The following NDRG3 variants were observed in gnomAD, a reference collection of about 807,000 sequenced individuals.
The protein encoded by NDRG3 is NDRG family member 3, also known as protein NDRG3.
A neutral mutation model predicts 57.2 loss-of-function variants in NDRG3; 23 were observed. The ratio of observed to expected loss-of-function variants is 0.40; its 90% CI spans 0.29 to 0.57. The LOEUF is 0.57. Ranked by LOEUF, NDRG3 falls within the 20% of genes least tolerant of loss-of-function variation. NDRG3 has a pLI of 0.42. For synonymous variants in NDRG3, 132 were observed against 162.6 expected (o/e 0.81, Z 1.43); for missense variants, 384 against 457.3 (o/e 0.84, Z 1.46).
intron 3 of NDRG3, chr20:36,700,770 TTTTC>T: frequency 1.6e-5 from 3 of 183,490 alleles, no homozygotes; most frequent in South Asian, 2.0e-4. Context: ...TTGCTTTTCC[TTTTC>T]TTTCTTCTTT....
chr20:36,705,750 A>G (rs1037556582), intron 3 of NDRG3, among the ~76,000 whole-genome samples: 3 of 151,610 alleles, frequency 2.0e-5, no homozygotes, highest in African/African-American at 7.3e-5. Context: ...TTTCTTATTT[A>G]TTTATTATTA....
intron 1 of NDRG3, among the ~76,000 whole-genome samples, chr20:36,732,280 T>C (rs778970371): frequency 6.6e-6 from 1 of 152,066 alleles, no homozygotes; most frequent in Non-Finnish European, 1.5e-5. Context: ...AACTCCGAAA[T>C]AGAAAACAGA....
intron 1 of NDRG3, among the ~76,000 whole-genome samples, chr20:36,739,186 T>C (rs1206466567): frequency 5.8e-5 from 7 of 120,648 alleles, no homozygotes; most frequent in African/African-American, 2.2e-4. Flanking sequence ...CAGTGGCTCA[T>C]GCCTGTAATC....
At chr20:36,738,788 A>C (rs1985747181) in intron 1 of NDRG3, among the ~76,000 whole-genome samples, 1 of 145,092 alleles carries the variant, frequency 6.9e-6, no homozygotes, top group South Asian at 2.2e-4. Context: ...ATGCCACTGC[A>C]CTCCAGCCTG....
chr20:36,669,331 G>C (rs1979927904), intron 9 of NDRG3, among the ~76,000 whole-genome samples: 1 of 152,022 alleles, frequency 6.6e-6, no homozygotes, highest in Non-Finnish European at 1.5e-5. Flanking sequence ...CTGGGTTCAA[G>C]CAATTCTCCT....
At chr20:36,738,190 C>T (rs1291076289) in intron 1 of NDRG3, among the ~76,000 whole-genome samples, 8 of 152,098 alleles carry the variant, frequency 5.3e-5, no homozygotes, top group African/African-American at 1.9e-4. Flanking sequence ...GACTAATCAT[C>T]CAAAGTTATA....
intron 12 of NDRG3, 129 bp downstream of exon 12, chr20:36,664,917 G>C: frequency 1.1e-6 from 1 of 915,362 alleles, no homozygotes; most frequent in Non-Finnish European, 1.8e-6. Context: ...TCAAACTCCT[G>C]GGCTCAAGCG....
intron 8 of NDRG3, among the ~76,000 whole-genome samples, chr20:36,674,639 C>T (rs906029701): frequency 6.7e-6 from 1 of 149,456 alleles, no homozygotes; most frequent in African/African-American, 2.5e-5. Flanking sequence ...TCTCTGTCAC[C>T]CAGGCAGGAC....
rs779285561 is a variant in NDRG3, at chr20:36,653,603, T to C, written c.1045A>G (p.Ser349Gly). 2 of 1,614,176 alleles carry C rather than the reference T, an allele frequency of 1.2e-6. No individual in the cohort carries two copies. The highest frequency in any genetic ancestry group is 1.7e-6 in the Non-Finnish European group (2 of 1,180,022). ...TCTTGAGTTCCATCTGACTGATTGC[T>C]GGTGACAGACCGGCTGAAGGGACTT... ...GESPFSRSVT[S>G]NQSDGTQESC... The change falls in exon 16 of 16, where the codon AGC becomes GGC. Residue 349 changes from serine to glycine, a missense_variant. By Grantham distance (56) the Ser-to-Gly change is moderately conservative. Coordinates refer to ENST00000349004, the MANE Select transcript of NDRG3 (RefSeq NM_032013.4). This position sits in a 1 kb window ranked among gnomAD's most constrained non-coding sequence, Gnocchi z 4.2.
intron 2 of NDRG3, among the ~76,000 whole-genome samples, chr20:36,711,116 TA>T (rs577163182): frequency 0.011 from 1,300 of 113,604 alleles, 6 homozygotes; most frequent in Non-Finnish European, 0.016. Flanking sequence ...CCATCTCTAC[TA>T]AAAAAAAAAA....
At chr20:36,739,166 A>T (rs868813942) in intron 1 of NDRG3, among the ~76,000 whole-genome samples, 134 of 116,444 alleles carry the variant, frequency 1.2e-3, no homozygotes, top group African/African-American at 5.0e-3. Context: ...AAAAAAAAAA[A>T]GGCCAGGCAC....
intron 12 of NDRG3, among the ~76,000 whole-genome samples, chr20:36,664,192 A>G (rs1215027848): frequency 6.6e-6 from 1 of 152,226 alleles, no homozygotes; most frequent in East Asian, 1.9e-4. Context: ...TACTGATTAT[A>G]TAATGGAAAA....
chr20:36,720,242 G>A (rs564502389), intron 2 of NDRG3, among the ~76,000 whole-genome samples: 124 of 151,742 alleles, frequency 8.2e-4, no homozygotes, highest in Non-Finnish European at 1.3e-3. Context: ...GCATGATCTC[G>A]GCTCACTGCA....
At chr20:36,654,924 C>T in intron 15 of NDRG3, 1 of 772,534 alleles carries the variant, frequency 1.3e-6, no homozygotes, top group Admixed American at 1.7e-5. Context: ...TAGACACTGA[C>T]AGAATACTCT....
chr20:36,658,954 G>GTTT (rs58306169), intron 13 of NDRG3, among the ~76,000 whole-genome samples: 6 of 132,368 alleles, frequency 4.5e-5, no homozygotes, highest in Non-Finnish European at 8.3e-5. Context: ...TGTTGACGAA[G>GTTT]TTTTTTTTTT....
intron 1 of NDRG3, among the ~76,000 whole-genome samples, chr20:36,741,501 A>T (rs2148235826): frequency 6.6e-6 from 1 of 152,290 alleles, no homozygotes; most frequent in South Asian, 2.1e-4. Context: ...TTTCATTTTT[A>T]AAACACAAAA....
chr20:36,744,893 G>T (rs1201923886), intron 1 of NDRG3, among the ~76,000 whole-genome samples: 1 of 146,634 alleles, frequency 6.8e-6, no homozygotes, highest in Non-Finnish European at 1.5e-5. Context: ...AGCCCGCCCA[G>T]CTAGCCCAGT....
At chr20:36,697,963 C>CTTTTTTTTTT (rs1026025529) in intron 3 of NDRG3, among the ~76,000 whole-genome samples, 12 of 123,012 alleles carry the variant, frequency 9.8e-5, no homozygotes, top group South Asian at 2.8e-4. Flanking sequence ...TTTCTTTTTT[C>CTTTTTTTTTT]TTTTTTTTTT....
chr20:36,733,174 ATATATATAT>A lies in NDRG3; in HGVS notation c.-48-11400_-48-11392del, dbSNP rs1568672994. On this transcript the variant is annotated intron_variant, in intron 1 of 15. Coordinates refer to ENST00000349004, the MANE Select transcript of NDRG3 (RefSeq NM_032013.4). ...AAAAAAAAAAAAAAAAAAAAAAAAT[ATATATATAT>A]ATATATATATATATATATATGCACA... is the stretch of plus-strand genomic sequence containing the variant. 6.8e-3 allele frequency among the ~76,000 whole-genome samples: 247 copies of A among 36,240 alleles called. 4 individuals carry two copies. Among genetic ancestry groups the A allele is most frequent in the African/African-American group, 0.031 (223 of 7,168 alleles). The allele number at this position is 36,240 out of a possible 152,430, so 23.8% of individuals were successfully genotyped here.
Sources: gnomAD v4.1 joint callset for allele counts (sites outside exome capture counted in the v4.1 genomes callset) on GRCh38, gnomAD v4.1.1 for gene constraint, Gnocchi (gnomAD v3.1) non-coding constraint, MANE v1.5 for transcripts, NCBI Gene and HGNC (gene_info 2026-07-23, HGNC 2026-07-21) for gene names.